The following WLS variants were observed in gnomAD, a reference collection of about 807,000 sequenced individuals.
WLS encodes Wnt ligand secretion mediator.
WLS carries 23 observed loss-of-function variants against 62.8 expected under a neutral mutation model. The observed-to-expected ratio is 0.37, with a 90% CI of 0.26 to 0.52. WLS has a LOEUF of 0.52. Among genes scored for constraint, WLS ranks in the 20% least tolerant of loss-of-function variants. The pLI is 0.92. For missense variants in WLS, 615 were observed against 697.3 expected (o/e 0.88, Z 1.33); for synonymous variants, 246 against 244.1 (o/e 1.01, Z -0.07).
At chr1:68,128,281 G>T (rs923285456) in intron 11 of WLS, among the ~76,000 whole-genome samples, 2 of 152,150 alleles carry the variant, frequency 1.3e-5, no homozygotes, top group African/African-American at 4.8e-5. Flanking sequence ...ACTACTCCCA[G>T]GCCAATAACT....
chr1:68,125,894 C>T lies in WLS; in HGVS notation c.*332G>A. ...ACTCCCCATTCGGCCCAAACCATCC[C>T]CCAAGGAATACACCCCCACCCCACC... On this transcript the variant is annotated 3_prime_UTR_variant, in exon 12 of 12. Transcript: ENST00000262348. 6 of 1,077,052 alleles carry T rather than the reference C, an allele frequency of 5.6e-6. No individual in the cohort carries two copies. Among genetic ancestry groups the T allele is most frequent in the Non-Finnish European group, 6.8e-6 (6 of 888,352 alleles). The allele number at this position is 1,077,052 out of a possible 1,614,324, so 66.7% of individuals were successfully genotyped here. A position where few individuals can be genotyped will look rare whatever the true frequency, so the allele number is the denominator to read the frequency against.
chr1:68,230,978 G>C (rs1324228346), intron 1 of WLS, among the ~76,000 whole-genome samples: 3 of 152,146 alleles, frequency 2.0e-5, no homozygotes, highest in Non-Finnish European at 2.9e-5. Flanking sequence ...TCGCGTGGGC[G>C]CCCGTAAAGG....
chr1:68,221,078 A>C (rs939518248), intron 1 of WLS, among the ~76,000 whole-genome samples: 1 of 152,240 alleles, frequency 6.6e-6, no homozygotes, highest in Non-Finnish European at 1.5e-5. Flanking sequence ...TTTCAGTTTA[A>C]AAATCTTGAG....
In WLS at chr1:68,137,770, A is replaced by G; in HGVS notation, c.1516+10T>C. ...CTGACTTAAGCTGTTCTAAAGAGAC[A>G]GAAACTCACCATTGGACTGGTCTTC... is the stretch of plus-strand genomic sequence containing the variant. On this transcript the variant is annotated intron_variant, in intron 11 of 11. Coordinates refer to ENST00000262348, the MANE Select transcript of WLS (RefSeq NM_024911.7). 1 of 1,613,160 alleles carries G rather than the reference A, an allele frequency of 6.2e-7. No individual in the cohort carries two copies. The highest frequency in any genetic ancestry group is 8.5e-7 in the Non-Finnish European group (1 of 1,179,534).
chr1:68,200,682 G>A (rs1327152996), intron 1 of WLS, among the ~76,000 whole-genome samples: 3 of 151,454 alleles, frequency 2.0e-5, no homozygotes, highest in African/African-American at 7.3e-5. Context: ...ACTTTTACCT[G>A]ATCTATGAAG....
chr1:68,189,722 T>G (rs1648180520), intron 2 of WLS, among the ~76,000 whole-genome samples: 1 of 152,234 alleles, frequency 6.6e-6, no homozygotes, highest in South Asian at 2.1e-4. Context: ...TTTTAATTTT[T>G]AACTGTTTTA....
In WLS at chr1:68,119,396, C is replaced by G. The variant is rs1321133530; in HGVS notation, c.1510+18384G>C. ...TCTTTCATGTATTTTTGCAGAGTTT[C>G]TGTGATAGGACCATTTTGTTTTTGA... On this transcript the variant is annotated intron_variant, in intron 11 of 11. Coordinates refer to the WLS transcript ENST00000354777. 3.3e-5 allele frequency among the ~76,000 whole-genome samples: 5 copies of G among 152,264 alleles called. No individual in the cohort carries two copies. In the South Asian group the frequency reaches 6.2e-4, roughly 19 times the overall value.
At chr1:68,151,518 A>T (rs947946542) in intron 5 of WLS, among the ~76,000 whole-genome samples, 3 of 152,184 alleles carry the variant, frequency 2.0e-5, no homozygotes, top group African/African-American at 7.2e-5. Context: ...CAAGAAAAGC[A>T]AGGATTGTGC....
At chr1:68,226,899 A>G (rs902313241) in intron 1 of WLS, among the ~76,000 whole-genome samples, 3 of 152,232 alleles carry the variant, frequency 2.0e-5, no homozygotes, top group African/African-American at 7.2e-5. Flanking sequence ...ATATGGATTT[A>G]AACATTTTAA....
chr1:68,155,102 C>G lies in WLS; in HGVS notation c.663G>C (p.Leu221Phe). Residue 221 changes from leucine (L) to phenylalanine (F), a missense_variant, in exon 4 of 12, where the codon TTG (leucine) becomes TTC (phenylalanine). By Grantham distance (22) the Leu-to-Phe change is conservative (BLOSUM62 0). Transcript: ENST00000262348. ...VGIGEIKDIR[L>F]VGIHQNGGFT... ...AAGATCAATTACATTCACTTACCAC[C>G]AACCGGATATCCTTTATCTCCCCAA... 6.2e-7 allele frequency: 1 copy of G among 1,613,298 alleles called. No individual in the cohort carries two copies. The highest frequency in any genetic ancestry group is 8.5e-7 in the Non-Finnish European group (1 of 1,179,628).
intron 11 of WLS, chr1:68,100,658 T>G (rs1038072407): frequency 2.0e-5 from 3 of 152,070 alleles, no homozygotes; most frequent in African/African-American, 7.2e-5. Flanking sequence ...TACTTGAGAG[T>G]CTCCAAGCCT....
intron 1 of WLS, among the ~76,000 whole-genome samples, chr1:68,214,982 C>T (rs528299089): frequency 6.6e-6 from 1 of 152,178 alleles, no homozygotes; most frequent in Non-Finnish European, 1.5e-5. Context: ...TTCCTGGTAG[C>T]CTCCACACAA....
intron 10 of WLS, among the ~76,000 whole-genome samples, chr1:68,140,874 A>G (rs1024570020): frequency 3.3e-5 from 5 of 152,152 alleles, no homozygotes; most frequent in Non-Finnish European, 5.9e-5. Flanking sequence ...GCCTCAACAG[A>G]GCAGGCCTTG....
At chr1:68,180,050 G>A (rs1359846674) in intron 2 of WLS, among the ~76,000 whole-genome samples, 4 of 151,958 alleles carry the variant, frequency 2.6e-5, no homozygotes, top group African/African-American at 4.8e-5. Context: ...CCAAGTTCAG[G>A]CCAAGCAAAT....
intron 11 of WLS, among the ~76,000 whole-genome samples, chr1:68,133,066 G>GCAA (rs1303092490): frequency 2.8e-5 from 4 of 141,474 alleles, no homozygotes; most frequent in Non-Finnish European, 3.1e-5. Flanking sequence ...AACAGCAACA[G>GCAA]CAGCAGCAGC....
At chr1:68,098,961 T>C in intron 11 of WLS, 2 of 641,716 alleles carry the variant, frequency 3.1e-6, no homozygotes, top group Non-Finnish European at 2.4e-6. Flanking sequence ...CAATAGCACC[T>C]CCTCCCTCAA....
intron 1 of WLS, among the ~76,000 whole-genome samples, chr1:68,205,533 G>C (rs1182266308): frequency 6.6e-6 from 1 of 152,198 alleles, no homozygotes; most frequent in African/African-American, 2.4e-5. Flanking sequence ...CCTTCTTCCA[G>C]CACTGCCCTG....
chr1:68,152,039 T>C (rs775361042), intron 5 of WLS, among the ~76,000 whole-genome samples: 5 of 152,058 alleles, frequency 3.3e-5, no homozygotes, highest in Non-Finnish European at 7.4e-5. Context: ...GTGAGGTTGA[T>C]GAGAAGTGTG....
In WLS at chr1:68,126,164, C is replaced by T. The variant is rs1646426989; in HGVS notation, c.*62G>A. On this transcript the variant is annotated 3_prime_UTR_variant, in exon 12 of 12. Transcript: ENST00000262348. ...TACATTGAGCTCTCTCTGGCATGCT[C>T]CCCACTCTAGTTAGAGGGGCTGGGG... 1.9e-6 allele frequency: 3 copies of T among 1,598,948 alleles called. No individual in the cohort carries two copies. Among genetic ancestry groups the T allele is most frequent in the East Asian group, 2.3e-5 (1 of 44,106 alleles).
Sources: gnomAD v4.1 joint callset for allele counts (sites outside exome capture counted in the v4.1 genomes callset) on GRCh38, gnomAD v4.1.1 for gene constraint, MANE v1.5 for transcripts, NCBI Gene and HGNC (gene_info 2026-07-23, HGNC 2026-07-21) for gene names.